Variants in DYM observed in about 807,000 individuals in gnomAD.
DYM encodes dyggve-Melchior-Clausen syndrome protein.
In DYM, 78 loss-of-function variants were observed where a neutral mutation model predicts 93.1. The ratio of observed to expected loss-of-function variants is 0.84; its 90% CI spans 0.70 to 1.01. The LOEUF (loss-of-function observed/expected upper bound fraction) is 1.01. Ranked by LOEUF, DYM falls within the 50% of genes least tolerant of loss-of-function variation. DYM has a pLI of 0.00. For missense variants in DYM, 789 were observed against 845.0 expected, an observed-to-expected ratio of 0.93 and a Z score of 0.82; for synonymous variants, 321 against 319.7, an observed-to-expected ratio of 1.00 and a Z score of -0.04.
chr18:49,169,946 G>A (rs2145220643), intron 14 of DYM, among the ~76,000 whole-genome samples: 2 of 152,286 alleles, frequency 1.3e-5, no homozygotes, highest in Middle Eastern at 6.8e-3. Flanking sequence ...GGCAGAGACA[G>A]CATGGAGCGG....
chr18:49,451,037 A>G (rs573523376), intron 1 of DYM, among the ~76,000 whole-genome samples: 3 of 152,360 alleles, frequency 2.0e-5, no homozygotes, highest in African/African-American at 7.2e-5. Flanking sequence ...AGAATTGACT[A>G]AATGGACTAC....
chr18:49,324,230 G>A (rs1000281049), intron 8 of DYM, among the ~76,000 whole-genome samples: 3 of 148,764 alleles, frequency 2.0e-5, no homozygotes, highest in Admixed American at 6.7e-5. Context: ...ATTAACTGCC[G>A]TACTGACTAT....
In DYM at chr18:49,397,796, A is replaced by G. The variant is rs756249879; in HGVS notation, c.141-6151T>C. 6.9e-4 allele frequency among the ~76,000 whole-genome samples: 105 copies of G among 152,374 alleles called. 1 individual carries two copies. The highest frequency in any genetic ancestry group is 6.9e-4 in the Non-Finnish European group (47 of 68,030). Reference sequence around the variant, plus strand: ...TACACACCATATTTCAAAGGTTTTTAAAAGAATGTAAAACATTTCATTAAT... The same window carrying G: ...TACACACCATATTTCAAAGGTTTTTGAAAGAATGTAAAACATTTCATTAAT... On this transcript the variant is annotated intron_variant, in intron 2 of 17. Coordinates refer to ENST00000675505, the MANE Select transcript of DYM (RefSeq NM_001353214.3).
At chr18:49,282,635 C>G (rs2095019169) in intron 9 of DYM, among the ~76,000 whole-genome samples, 1 of 152,136 alleles carries the variant, frequency 6.6e-6, no homozygotes, top group African/African-American at 2.4e-5. Flanking sequence ...AAAAATTTTA[C>G]TTTAAAAAGA....
chr18:49,419,286 G>C (rs1411411550), intron 2 of DYM, among the ~76,000 whole-genome samples: 1 of 152,116 alleles, frequency 6.6e-6, no homozygotes, highest in Non-Finnish European at 1.5e-5. Flanking sequence ...TTGAACCTGG[G>C]AGGCGGAGGT....
chr18:49,044,139 A>G lies in DYM; in HGVS notation c.2091T>C (p.Tyr697=), dbSNP rs984902706. The part of the protein sequence containing the change: ...EEQPEEFFIP[Y]VWSLVYNSAV... Reference sequence around the variant, plus strand: ...CTGAGTTGTAGACAAGAGACCAGACATAGGGGATAAAAAACTCCTCGGGCT... The same window carrying G: ...CTGAGTTGTAGACAAGAGACCAGACGTAGGGGATAAAAAACTCCTCGGGCT... Residue 697 remains tyrosine, a synonymous_variant, in exon 18 of 18, where the codon TAT becomes TAC. Transcript: ENST00000675505. 1.2e-6 allele frequency: 2 copies of G among 1,614,188 alleles called. No homozygotes were observed. The highest frequency in any genetic ancestry group is 1.3e-5 in the African/African-American group (1 of 75,072).
intron 2 of DYM, among the ~76,000 whole-genome samples, chr18:49,412,164 G>A (rs750720939): frequency 4.0e-4 from 60 of 149,672 alleles, no homozygotes; most frequent in Non-Finnish European, 6.1e-4. Flanking sequence ...CTATTAAAAT[G>A]TCAAAATGTC....
chr18:49,443,233 T>G (rs748236098), intron 1 of DYM, among the ~76,000 whole-genome samples: 3 of 152,214 alleles, frequency 2.0e-5, no homozygotes, highest in Non-Finnish European at 4.4e-5. Context: ...AATTTCAGTG[T>G]CAATAAAGTC....
intron 12 of DYM, among the ~76,000 whole-genome samples, chr18:49,258,061 C>G (rs2094423037): frequency 6.6e-6 from 1 of 152,124 alleles, no homozygotes; most frequent in Non-Finnish European, 1.5e-5. Flanking sequence ...TGCTCATATC[C>G]TCTTGTACTT....
At chr18:49,095,996 T>C (rs1253986880) in intron 17 of DYM, among the ~76,000 whole-genome samples, 7 of 152,106 alleles carry the variant, frequency 4.6e-5, no homozygotes, top group Non-Finnish European at 1.0e-4. Context: ...GATTTTTTTG[T>C]ACTGGTTCAC....
chr18:49,338,359 C>A (rs2063825732), intron 6 of DYM, among the ~76,000 whole-genome samples: 2 of 152,178 alleles, frequency 1.3e-5, no homozygotes, highest in Non-Finnish European at 2.9e-5. Context: ...CAGATTAATA[C>A]AGAAAGTCAA....
intron 17 of DYM, among the ~76,000 whole-genome samples, chr18:49,062,375 C>A (rs1383868074): frequency 2.0e-5 from 3 of 152,206 alleles, no homozygotes; most frequent in South Asian, 4.1e-4. Context: ...TAGCCCAGCT[C>A]AGGACCTGCT....
intron 7 of DYM, 48 bp downstream of exon 7, chr18:49,333,680 T>A: frequency 6.3e-7 from 1 of 1,585,896 alleles, no homozygotes; most frequent in Non-Finnish European, 8.6e-7. Context: ...ACTAGAAATA[T>A]AGATTTATAC....
chr18:49,370,280 G>GAA lies in DYM; in HGVS notation c.422-7049_422-7048dup, dbSNP rs35985394. On this transcript the variant is annotated intron_variant, in intron 5 of 17. Transcript: ENST00000675505. ...GAAACAAGAGCGAAACTCCATCTCA[G>GAA]AAAAAAAAAAAAAAAAAAACAAAAC... is the stretch of plus-strand genomic sequence containing the variant. Among the ~76,000 whole-genome samples the GAA allele has an allele frequency of 3.8e-3, 462 of 120,952 alleles. 3 individuals are homozygous for GAA. The highest frequency in any genetic ancestry group is 8.5e-3 in the African/African-American group (245 of 28,766). 79.3% of individuals were successfully genotyped at this position (120,952 alleles called of 152,430 possible). A position where few individuals can be genotyped will look rare whatever the true frequency, so the allele number is the denominator to read the frequency against.
intron 13 of DYM, among the ~76,000 whole-genome samples, chr18:49,221,873 T>G (rs1490683232): frequency 6.6e-6 from 1 of 151,900 alleles, no homozygotes; most frequent in African/African-American, 2.4e-5. Flanking sequence ...AAGCTGCACA[T>G]TGTGCACATG....
chr18:49,350,070 A>T (rs1283610440), intron 6 of DYM, among the ~76,000 whole-genome samples: 1 of 152,206 alleles, frequency 6.6e-6, no homozygotes, highest in Non-Finnish European at 1.5e-5. Flanking sequence ...TAATTGGTAT[A>T]ATCTTTTTAG....
At chr18:49,330,427 T>C (rs1192795779) in intron 8 of DYM, among the ~76,000 whole-genome samples, 1 of 152,136 alleles carries the variant, frequency 6.6e-6, no homozygotes, top group Non-Finnish European at 1.5e-5. Flanking sequence ...TGCTATCTAG[T>C]TAGGAAAAGA....
chr18:49,443,134 C>T (rs1469190176), intron 1 of DYM, among the ~76,000 whole-genome samples: 1 of 152,124 alleles, frequency 6.6e-6, no homozygotes, highest in African/African-American at 2.4e-5. Flanking sequence ...AGGCATAAGC[C>T]ACTGCGCCCA....
intron 14 of DYM, among the ~76,000 whole-genome samples, chr18:49,195,591 G>T (rs1337055213): frequency 6.6e-6 from 1 of 152,058 alleles, no homozygotes; most frequent in Non-Finnish European, 1.5e-5. Context: ...CTACACTACT[G>T]CTTCTACCCA....
Sources: gnomAD v4.1 joint callset for allele counts (sites outside exome capture counted in the v4.1 genomes callset) on GRCh38, gnomAD v4.1.1 for gene constraint, MANE v1.5 for transcripts, NCBI Gene and HGNC (gene_info 2026-07-23, HGNC 2026-07-21) for gene names.